Variants in BACE2 observed in about 807,000 individuals in gnomAD.
The protein encoded by BACE2 is 56 kDa aspartic-like protease.
A neutral mutation model predicts 46.2 loss-of-function variants in BACE2; 17 were observed. The observed-to-expected ratio is 0.37, with a 90% CI of 0.25 to 0.55. BACE2 has a LOEUF of 0.55. Among genes scored for constraint, BACE2 ranks in the 20% least tolerant of loss-of-function variants. BACE2 has a pLI of 0.82. For missense variants in BACE2, 595 were observed against 698.1 expected, an observed-to-expected ratio of 0.85 and a Z score of 1.66; for synonymous variants, 277 against 295.9, an observed-to-expected ratio of 0.94 and a Z score of 0.66.
At chr21:41,220,651 G>A (rs1986613641) in intron 1 of BACE2, among the ~76,000 whole-genome samples, 1 of 151,866 alleles carries the variant, frequency 6.6e-6, no homozygotes, top group African/African-American at 2.4e-5. Context: ...ACTTGGGGCT[G>A]TTGAGCATCT....
intron 8 of BACE2, among the ~76,000 whole-genome samples, 198 bp downstream of exon 8, chr21:41,257,524 C>T (rs1987823976): frequency 6.6e-6 from 1 of 152,190 alleles, no homozygotes; most frequent in South Asian, 2.1e-4. Context: ...CCATGTGAAA[C>T]TTCAGTGCTT....
intron 1 of BACE2, among the ~76,000 whole-genome samples, chr21:41,172,044 G>A (rs1984626858): frequency 6.6e-6 from 1 of 152,218 alleles, no homozygotes; most frequent in African/African-American, 2.4e-5. Flanking sequence ...GAAGCTGACT[G>A]TAGGTGAGGC....
At chr21:41,183,156 C>T (rs1985207155) in intron 1 of BACE2, 1 of 166,234 alleles carries the variant, frequency 6.0e-6, no homozygotes, top group Non-Finnish European at 1.5e-5. Flanking sequence ...AATTATTTCA[C>T]TTTTAACTTT....
intron 8 of BACE2, among the ~76,000 whole-genome samples, chr21:41,265,191 G>A (rs1436634370): frequency 7.1e-6 from 1 of 140,156 alleles, no homozygotes; most frequent in Non-Finnish European, 1.5e-5. Flanking sequence ...TTTTTTTCAA[G>A]CCTCATAGTT....
intron 7 of BACE2, among the ~76,000 whole-genome samples, 189 bp downstream of exon 7, chr21:41,251,090 C>T (rs544876294): frequency 1.3e-5 from 2 of 152,340 alleles, no homozygotes; most frequent in South Asian, 2.1e-4. Context: ...GGCTCACTCA[C>T]GTGTCTCTAC....
At chr21:41,203,903 AGAGAG>A (rs1459015446) in intron 1 of BACE2, among the ~76,000 whole-genome samples, 2 of 152,232 alleles carry the variant, frequency 1.3e-5, no homozygotes, top group African/African-American at 4.8e-5. Context: ...ACATTGCTAC[AGAGAG>A]AAGAGCTGTT....
intron 1 of BACE2, among the ~76,000 whole-genome samples, chr21:41,199,646 A>C (rs1985883008): frequency 6.6e-6 from 1 of 152,108 alleles, no homozygotes; most frequent in South Asian, 2.1e-4. Context: ...AGGGCAAGAG[A>C]AAAGCCAGTG....
chr21:41,200,212 A>T (rs577071211), intron 1 of BACE2, among the ~76,000 whole-genome samples: 1 of 151,140 alleles, frequency 6.6e-6, no homozygotes, highest in East Asian at 1.9e-4. Context: ...CAAAAAAAAA[A>T]CCCAAAACCT....
rs996743722 is a variant in BACE2 at position 41,279,023 on chromosome 21, T to G, written c.*3399T>G. ...AAAACTTGCCAGTAAGTTTTTTGGT[T>G]GTTGTTTTGTTTTTTTTGAAAAACG... On this transcript the variant is annotated 3_prime_UTR_variant, in exon 9 of 9. Transcript: ENST00000330333. 1.9e-4 allele frequency: 29 copies of G among 149,168 alleles called. No individual in the cohort carries two copies. The highest frequency in any genetic ancestry group is 6.4e-4 in the African/African-American group (25 of 38,970). The allele number at this position is 149,168 out of a possible 1,614,324, so 9.2% of individuals were successfully genotyped here. A position where few individuals can be genotyped will look rare whatever the true frequency, so the allele number is the denominator to read the frequency against.
intron 8 of BACE2, among the ~76,000 whole-genome samples, chr21:41,258,919 C>T (rs189735262): frequency 1.3e-5 from 2 of 152,344 alleles, no homozygotes; most frequent in African/African-American, 2.4e-5. Flanking sequence ...TGAGACCTTT[C>T]TCTGTGGCAG....
chr21:41,177,767 A>G (rs1490544033), intron 1 of BACE2: 2 of 152,256 alleles, frequency 1.3e-5, no homozygotes, highest in Admixed American at 1.3e-4. Flanking sequence ...CGGAACAGCA[A>G]CAACAGAAAA....
At chr21:41,244,140 C>T (rs993228158) in intron 5 of BACE2, among the ~76,000 whole-genome samples, 1 of 152,180 alleles carries the variant, frequency 6.6e-6, no homozygotes, top group Non-Finnish European at 1.5e-5. Context: ...CCTCAGTCTT[C>T]TATAGCACTT....
intron 1 of BACE2, chr21:41,179,005 A>G (rs1601241520): frequency 1.1e-6 from 1 of 934,750 alleles, no homozygotes; most frequent in South Asian, 1.8e-5. Context: ...CTTGAGGAGG[A>G]CTGAGCCTTC....
intron 1 of BACE2, among the ~76,000 whole-genome samples, chr21:41,190,761 G>A (rs1254933674): frequency 2.0e-5 from 3 of 152,156 alleles, no homozygotes; most frequent in Non-Finnish European, 4.4e-5. Context: ...ATGCCCTAAT[G>A]GATCTCCTGT....
At chr21:41,175,961 G>A (rs928273108) in intron 1 of BACE2, 2 of 152,164 alleles carry the variant, frequency 1.3e-5, no homozygotes, top group African/African-American at 2.4e-5. Flanking sequence ...TGTGGCTTGC[G>A]CAGTGATTGG....
intron 8 of BACE2, among the ~76,000 whole-genome samples, chr21:41,259,854 G>T (rs1333683047): frequency 6.6e-6 from 1 of 151,282 alleles, no homozygotes; most frequent in Non-Finnish European, 1.5e-5. Flanking sequence ...TTTAGACAGG[G>T]TCTTGCTCTG....
At chr21:41,249,121 G>A (rs763854166) in intron 6 of BACE2, among the ~76,000 whole-genome samples, 1 of 151,994 alleles carries the variant, frequency 6.6e-6, no homozygotes, top group Non-Finnish European at 1.5e-5. Flanking sequence ...TAGTGGGCAT[G>A]TACACTTGGC....
At chr21:41,242,258 G>A (rs1819869534) in intron 4 of BACE2, among the ~76,000 whole-genome samples, 2 of 152,056 alleles carry the variant, frequency 1.3e-5, no homozygotes, top group South Asian at 4.2e-4. Context: ...TGGGGGGCGT[G>A]GTGAGTGGAC....
chr21:41,170,049 A>G (rs572584455), intron 1 of BACE2, among the ~76,000 whole-genome samples: 2 of 152,276 alleles, frequency 1.3e-5, no homozygotes, highest in South Asian at 4.1e-4. Context: ...CCTTGAATGA[A>G]TCCCCATTGG....
Sources: gnomAD v4.1 joint callset for allele counts (sites outside exome capture counted in the v4.1 genomes callset) on GRCh38, gnomAD v4.1.1 for gene constraint, MANE v1.5 for transcripts, NCBI Gene and HGNC (gene_info 2026-07-23, HGNC 2026-07-21) for gene names.